ASXL3: variants seen among roughly 807,000 people sequenced by gnomAD.
The protein encoded by ASXL3 is ASXL transcriptional regulator 3.
In ASXL3, 34 loss-of-function variants were observed where a neutral mutation model predicts 170.6. The ratio of observed to expected loss-of-function variants is 0.20; its 90% CI spans 0.15 to 0.27. The LOEUF is 0.27. Ranked by LOEUF, ASXL3 falls within the 10% of genes least tolerant of loss-of-function variation. The pLI, the probability that ASXL3 is intolerant of heterozygous loss-of-function variation, is 1.00. For missense variants in ASXL3, 2,592 were observed against 2,695.3 expected (o/e 0.96, Z 0.85); for synonymous variants, 1,002 against 989.1 (o/e 1.01, Z -0.24).
intron 2 of ASXL3, among the ~76,000 whole-genome samples, chr18:33,639,554 T>C (rs1369566364): frequency 6.6e-6 from 1 of 152,204 alleles, no homozygotes; most frequent in African/African-American, 2.4e-5. Context: ...AAAATTATGA[T>C]ACAGATCATA....
chr18:33,616,128 A>G lies in ASXL3; in HGVS notation c.137+8452A>G, dbSNP rs557840756. Reference sequence around the variant, plus strand: ...GGACAAAATTAAGTAGTTCTTGAGGAGGATGATAAGATTAGATATTATTGT... The same window carrying G: ...GGACAAAATTAAGTAGTTCTTGAGGGGGATGATAAGATTAGATATTATTGT... On this transcript the variant is annotated intron_variant, in intron 2 of 11. Coordinates refer to ENST00000269197, the MANE Select transcript of ASXL3 (RefSeq NM_030632.3). 9.9e-5 allele frequency among the ~76,000 whole-genome samples: 15 copies of G among 152,244 alleles called. No homozygotes were observed. In the East Asian group the frequency reaches 2.9e-3, roughly 29 times the overall value.
In ASXL3 at chr18:33,596,192, T is replaced by C. The variant is rs192046720; in HGVS notation, c.55-11402T>C. ...TTTCTATGTAGAGTAGATTAGCATT[T>C]TGAATGAATATGAAAGAAGACATAT... On this transcript the variant is annotated intron_variant, in intron 1 of 11. Coordinates refer to ENST00000269197, the MANE Select transcript of ASXL3 (RefSeq NM_030632.3). Among the ~76,000 whole-genome samples, 156 of 152,312 alleles carry C rather than the reference T, an allele frequency of 1.0e-3. 1 individual carries two copies. The highest frequency in any genetic ancestry group is 4.7e-4 in the Non-Finnish European group (32 of 68,026).
intron 1 of ASXL3, among the ~76,000 whole-genome samples, chr18:33,584,993 T>G (rs1477446280): frequency 6.6e-6 from 1 of 152,094 alleles, no homozygotes; most frequent in African/African-American, 2.4e-5. Context: ...TGAATTTAAT[T>G]GATCTGTTAC....
intron 7 of ASXL3, 96 bp downstream of exon 7, chr18:33,671,962 A>T (rs1387493937): frequency 1.6e-6 from 2 of 1,265,230 alleles, no homozygotes; most frequent in African/African-American, 3.1e-5. Context: ...TTAATGATTA[A>T]ACAAGGAAAT....
intron 1 of ASXL3, among the ~76,000 whole-genome samples, chr18:33,585,896 T>C (rs371699494): frequency 2.0e-5 from 3 of 152,324 alleles, no homozygotes; most frequent in African/African-American, 7.2e-5. Context: ...CAGAGAAAAC[T>C]AGATTATGAT....
rs372776497 is a variant in ASXL3, at chr18:33,661,696, G to A, written c.436G>A (p.Val146Met). Residue 146 changes from valine to methionine, a missense_variant, in exon 5 of 12, where the codon GTG (valine) becomes ATG (methionine). Val to Met is a conservative substitution (Grantham distance 21). This residue lies in a region of ASXL3 where 251 missense variants were observed against 281.9 expected (regional missense o/e 0.89). Coordinates refer to ENST00000269197, the MANE Select transcript of ASXL3 (RefSeq NM_030632.3). ...TAACACAGCAGTGCAAAGCAAGTTA[G>A]TGTCTTCCTTCCAGCAGCACACCAA... ...LTNTAVQSKL[V>M]SSFQQHTKKA... 1 of 1,612,818 alleles carries A rather than the reference G, an allele frequency of 6.2e-7. No homozygotes were observed. The highest frequency in any genetic ancestry group is 8.5e-7 in the Non-Finnish European group (1 of 1,179,444).
At chr18:33,620,343 C>G (rs555745590) in intron 2 of ASXL3, among the ~76,000 whole-genome samples, 1 of 152,158 alleles carries the variant, frequency 6.6e-6, no homozygotes, top group East Asian at 1.9e-4. Context: ...TTTGTTGGAA[C>G]AGATTGTTGT....
At chr18:33,733,162 G>A (rs1364306696) in intron 9 of ASXL3, among the ~76,000 whole-genome samples, 1 of 151,918 alleles carries the variant, frequency 6.6e-6, no homozygotes, top group Non-Finnish European at 1.5e-5. Flanking sequence ...TATTGCCAGC[G>A]TGCCAAGAAT....
intron 10 of ASXL3, among the ~76,000 whole-genome samples, chr18:33,735,501 G>A (rs2067530281): frequency 6.6e-6 from 1 of 152,170 alleles, no homozygotes; most frequent in Non-Finnish European, 1.5e-5. Context: ...TGACAAGCTA[G>A]TTGTTATATG....
At position 33,743,981 on chromosome 18, in the gene ASXL3, G is replaced by A. The variant is rs766066826; in HGVS notation, c.4133G>A (p.Gly1378Glu). 1 of 1,613,970 alleles carries A rather than the reference G, an allele frequency of 6.2e-7. No homozygotes were observed. The highest frequency in any genetic ancestry group is 1.1e-5 in the South Asian group (1 of 91,082). ...CCTTCTGAGAAGATAGCCATACCTGGGAGTGAAGAACAGGCCACTGTATCC... is the reference window on the plus strand; with the variant it reads ...CCTTCTGAGAAGATAGCCATACCTGAGAGTGAAGAACAGGCCACTGTATCC... ...RFPSEKIAIP[G>E]SEEQATVSMG... Residue 1378 changes from glycine to glutamate, a missense_variant, in exon 12 of 12, where the codon GGG becomes GAG. Gly to Glu is a moderately conservative substitution (Grantham distance 98). Coordinates refer to ENST00000269197, the MANE Select transcript of ASXL3 (RefSeq NM_030632.3).
chr18:33,623,472 CAG>C (rs150599715), intron 2 of ASXL3, among the ~76,000 whole-genome samples: 252 of 152,172 alleles, frequency 1.7e-3, no homozygotes, highest in African/African-American at 5.4e-3. Flanking sequence ...TCCAGTAAAA[CAG>C]GGGAAATCAT....
In ASXL3 at chr18:33,749,861, T is replaced by C. The variant is rs369041180; in HGVS notation, c.*3266T>C. 2 of 152,206 alleles carry C rather than the reference T, an allele frequency of 1.3e-5. No individual in the cohort carries two copies. The highest frequency in any genetic ancestry group is 4.8e-5 in the African/African-American group (2 of 41,436). The allele number at this position is 152,206 out of a possible 1,614,324, so 9.4% of individuals were successfully genotyped here. ...TGGACCTTGGATATTCTTACTCGGT[T>C]CAAAATACACAAAAACAAGCTGGTA... On this transcript the variant is annotated 3_prime_UTR_variant, in exon 12 of 12. Coordinates refer to ENST00000269197, the MANE Select transcript of ASXL3 (RefSeq NM_030632.3).
intron 1 of ASXL3, 62 bp from the exon 2 acceptor site, chr18:33,607,532 C>A: frequency 7.7e-7 from 1 of 1,303,666 alleles, no homozygotes; most frequent in Non-Finnish European, 1.1e-6. Context: ...GCATGATTCA[C>A]ATACATTTTC....
Position 33,731,660 on chromosome 18 carries a change from C to T in ASXL3, c.880-308C>T, listed in dbSNP as rs144671006. 1.9e-3 allele frequency among the ~76,000 whole-genome samples: 287 copies of T among 152,218 alleles called. 1 individual carries two copies. The highest frequency in any genetic ancestry group is 6.6e-3 in the African/African-American group (273 of 41,560). ...ACTCACCAACTACATAAGAAGCCAGCCAAGGAGAACACTAATTATTTCTGT... is the reference window on the plus strand; with the variant it reads ...ACTCACCAACTACATAAGAAGCCAGTCAAGGAGAACACTAATTATTTCTGT... On this transcript the variant is annotated intron_variant, in intron 8 of 11. Transcript: ENST00000269197.
chr18:33,712,200 C>G (rs77234881), intron 8 of ASXL3, among the ~76,000 whole-genome samples: 3,195 of 152,108 alleles, frequency 0.021, 118 homozygotes, highest in African/African-American at 0.073. Context: ...TGTTTTCCAC[C>G]TGATACATTT....
At chr18:33,589,609 A>G (rs1479197125) in intron 1 of ASXL3, among the ~76,000 whole-genome samples, 1 of 152,192 alleles carries the variant, frequency 6.6e-6, no homozygotes, top group Non-Finnish European at 1.5e-5. Flanking sequence ...TACATTGATT[A>G]CAACACAGAT....
chr18:33,748,714 C>T lies in ASXL3; in HGVS notation c.*2119C>T, dbSNP rs1307551482. 6.6e-6 allele frequency: 1 copy of T among 152,214 alleles called. No homozygotes were observed. The highest frequency in any genetic ancestry group is 1.5e-5 in the Non-Finnish European group (1 of 68,074). 9.4% of individuals were successfully genotyped at this position (152,214 alleles called of 1,614,324 possible). On this transcript the variant is annotated 3_prime_UTR_variant, in exon 12 of 12. Coordinates refer to ENST00000269197, the MANE Select transcript of ASXL3 (RefSeq NM_030632.3). Reference sequence around the variant, plus strand: ...GCTGTTAGTCTCACAGCGGGGCACCCCTATAATATAGACACTTGCATGCCA... The same window carrying T: ...GCTGTTAGTCTCACAGCGGGGCACCTCTATAATATAGACACTTGCATGCCA...
chr18:33,578,248 GGAGCAT>G lies in ASXL3; in HGVS notation c.-383_-378del, dbSNP rs2064958228. The G allele has an allele frequency of 6.6e-6, 1 of 150,794 alleles. No individual in the cohort carries two copies. Among genetic ancestry groups the G allele is most frequent in the Non-Finnish European group, 1.5e-5 (1 of 67,684 alleles). The allele number at this position is 150,794 out of a possible 1,614,324, so 9.3% of individuals were successfully genotyped here. A position where few individuals can be genotyped will look rare whatever the true frequency, so the allele number is the denominator to read the frequency against. ...TGTATTGTTGTGAGCGGGGCCGAGC[GGAGCAT>G]CCCCGGAGCTGTCACCGCAGCGGCC... On this transcript the variant is annotated 5_prime_UTR_variant, in exon 1 of 12. Transcript: ENST00000269197.
intron 8 of ASXL3, among the ~76,000 whole-genome samples, chr18:33,728,955 T>G (rs959589138): frequency 6.6e-6 from 1 of 152,102 alleles, no homozygotes; most frequent in Admixed American, 6.6e-5. Context: ...TTGAAAAAGG[T>G]AATACATATG....
Sources: allele counts gnomAD v4.1 joint callset (sites outside exome capture counted in the v4.1 genomes callset), GRCh38; gene constraint gnomAD v4.1.1; regional missense constraint gnomAD v4.1.1; transcripts MANE v1.5; gene names NCBI Gene and HGNC (gene_info 2026-07-23, HGNC 2026-07-21).